Variants in STXBP5 observed in about 807,000 individuals in gnomAD.
The protein encoded by STXBP5 is syntaxin binding protein 5.
Under a neutral mutation model 152.4 loss-of-function variants are expected in STXBP5, and 50 were observed. The observed-to-expected ratio is 0.33, with a 90% CI of 0.26 to 0.42. The LOEUF (loss-of-function observed/expected upper bound fraction) is 0.42, where lower values mean the gene tolerates loss of function less well. Among genes scored for constraint, STXBP5 ranks in the 10% least tolerant of loss-of-function variants. STXBP5 has a pLI of 1.00. For missense variants in STXBP5, 1,167 were observed against 1,388.6 expected, an observed-to-expected ratio of 0.84 and a Z score of 2.54; for synonymous variants, 492 against 494.7, an observed-to-expected ratio of 0.99 and a Z score of 0.07.
chr6:147,285,332 C>T (rs1272849210), intron 8 of STXBP5, among the ~76,000 whole-genome samples: 6 of 152,098 alleles, frequency 3.9e-5, no homozygotes, highest in Non-Finnish European at 8.8e-5. Context: ...TGCTTAAAAT[C>T]ATGGGTAGTA....
At chr6:147,229,637 A>G (rs1346366929) in intron 2 of STXBP5, among the ~76,000 whole-genome samples, 2 of 151,908 alleles carry the variant, frequency 1.3e-5, no homozygotes, top group African/African-American at 4.8e-5. Context: ...ATGTTATTGT[A>G]AGTGGAATTA....
At chr6:147,362,383 C>G (rs1274483848) in intron 23 of STXBP5, among the ~76,000 whole-genome samples, 1 of 152,130 alleles carries the variant, frequency 6.6e-6, no homozygotes, top group Non-Finnish European at 1.5e-5. Context: ...ATCTACCCTG[C>G]CTTCCATTCC....
At chr6:147,367,567 G>T (rs1438745494) in intron 25 of STXBP5, among the ~76,000 whole-genome samples, 1 of 152,142 alleles carries the variant, frequency 6.6e-6, no homozygotes, top group East Asian at 1.9e-4. Flanking sequence ...GAACCCGGGA[G>T]GCGGAGCTTG....
At chr6:147,318,782 C>T (rs1782768172) in intron 16 of STXBP5, among the ~76,000 whole-genome samples, 1 of 152,200 alleles carries the variant, frequency 6.6e-6, no homozygotes, top group African/African-American at 2.4e-5. Context: ...CTGGGATATA[C>T]ACGCAATAAC....
intron 8 of STXBP5, among the ~76,000 whole-genome samples, chr6:147,285,763 G>C (rs1427986816): frequency 2.0e-5 from 3 of 152,088 alleles, no homozygotes; most frequent in Admixed American, 2.0e-4. Context: ...GCTCAGGCTT[G>C]GAAGCGTTTA....
chr6:147,222,744 C>T (rs1777521738), intron 2 of STXBP5, among the ~76,000 whole-genome samples: 1 of 152,202 alleles, frequency 6.6e-6, no homozygotes, highest in South Asian at 2.1e-4. Flanking sequence ...CTGCTGGTAG[C>T]ATGAGGGAAT....
intron 2 of STXBP5, among the ~76,000 whole-genome samples, chr6:147,214,169 G>T (rs1221638): frequency 6.6e-6 from 1 of 151,966 alleles, no homozygotes; most frequent in South Asian, 2.1e-4. Flanking sequence ...TAATTTGAAC[G>T]CATTTCTGAT....
intron 6 of STXBP5, among the ~76,000 whole-genome samples, 175 bp downstream of exon 6, chr6:147,262,528 AT>A (rs1368193230): frequency 3.3e-5 from 5 of 152,146 alleles, no homozygotes; most frequent in Admixed American, 3.3e-4. Context: ...AATTAGAATC[AT>A]TTACAATTTT....
intron 2 of STXBP5, among the ~76,000 whole-genome samples, chr6:147,208,556 T>C (rs1309096800): frequency 6.6e-6 from 1 of 152,194 alleles, no homozygotes. Flanking sequence ...CTTTTGATCC[T>C]TTATTCTCTT....
At chr6:147,328,769 T>C (rs1256828005) in intron 18 of STXBP5, 2 of 470,910 alleles carry the variant, frequency 4.2e-6, no homozygotes, top group East Asian at 1.4e-4. Context: ...AAAAACTACG[T>C]TCTTCTTTTT....
intron 19 of STXBP5, among the ~76,000 whole-genome samples, chr6:147,335,328 A>G (rs1396009737): frequency 6.6e-6 from 1 of 152,158 alleles, no homozygotes; most frequent in Non-Finnish European, 1.5e-5. Context: ...GAATTGTAAT[A>G]TCTTTTAGTT....
chr6:147,228,552 TA>T (rs1777845787), intron 2 of STXBP5, among the ~76,000 whole-genome samples: 1 of 152,104 alleles, frequency 6.6e-6, no homozygotes, highest in African/African-American at 2.4e-5. Context: ...TTTCTTCTAT[TA>T]TTTCTTTGAT....
At chr6:147,350,071 T>C (rs926947055) in intron 21 of STXBP5, among the ~76,000 whole-genome samples, 5 of 152,188 alleles carry the variant, frequency 3.3e-5, no homozygotes, top group African/African-American at 1.2e-4. Flanking sequence ...TATTAAAATT[T>C]ATATGACATT....
At chr6:147,361,080 GTTC>G (rs1406727047) in intron 23 of STXBP5, among the ~76,000 whole-genome samples, 2 of 152,062 alleles carry the variant, frequency 1.3e-5, no homozygotes, top group African/African-American at 4.8e-5. Context: ...ACTAATCTCA[GTTC>G]TTATTAGTAA....
At chr6:147,383,378 A>G (rs1786187165) in intron 27 of STXBP5, among the ~76,000 whole-genome samples, 1 of 152,150 alleles carries the variant, frequency 6.6e-6, no homozygotes, top group African/African-American at 2.4e-5. Context: ...CCAGATAGAT[A>G]TAAATAACTA....
chr6:147,310,089 C>T lies in STXBP5; in HGVS notation c.923C>T (p.Pro308Leu). Residue 308 changes from proline to leucine, a missense_variant, in exon 10 of 28, where the codon CCT (proline) becomes CTT (leucine). Physicochemically the swap from Pro to Leu is moderately conservative, Grantham distance 98. This residue lies in a region of STXBP5 where 24 missense variants were observed against 56.2 expected (regional missense o/e 0.43). Transcript: ENST00000321680. ...AATATGTATTTTATTTCCAGGGAGC[C>T]TTTTATTATTTTATCAGGAGGTTTG... ...VEFKTTRSGE[P>L]FIILSGGLSY... 1 of 1,534,638 alleles carries T rather than the reference C, an allele frequency of 6.5e-7. No homozygotes were observed. The highest frequency in any genetic ancestry group is 8.7e-7 in the Non-Finnish European group (1 of 1,146,866).
chr6:147,359,257 A>G lies in STXBP5; in HGVS notation c.2479A>G (p.Ile827Val). The G allele has an allele frequency of 6.2e-7, 1 of 1,613,946 alleles. No homozygotes were observed. Among genetic ancestry groups the G allele is most frequent in the Non-Finnish European group, 8.5e-7 (1 of 1,179,890 alleles). The change falls in exon 23 of 28, where the codon ATT (isoleucine) becomes GTT (valine). Residue 827 changes from isoleucine to valine, a missense_variant. Physicochemically the swap from Ile to Val is conservative, Grantham distance 29 (BLOSUM62 3). This residue lies in a region of STXBP5 where 833 missense variants were observed against 986.3 expected (regional missense o/e 0.84). Transcript: ENST00000321680. ...VGTTLGTVLV[I>V]ALNLPPGGEQ... ...AACAACGCTAGGAACAGTGCTTGTC[A>G]TTGCACTGAACCTTCCCCCAGGGGG...
At chr6:147,222,204 G>A (rs1468141996) in intron 2 of STXBP5, among the ~76,000 whole-genome samples, 1 of 152,044 alleles carries the variant, frequency 6.6e-6, no homozygotes, top group Non-Finnish European at 1.5e-5. Context: ...ATAAATCATG[G>A]TTGTTTTAAA....
At chr6:147,300,234 G>A (rs1025448819) in intron 9 of STXBP5, among the ~76,000 whole-genome samples, 4 of 152,068 alleles carry the variant, frequency 2.6e-5, no homozygotes, top group African/African-American at 7.2e-5. Flanking sequence ...TAACCAAAAT[G>A]AGCCACAGAT....
Sources: gnomAD v4.1 joint callset for allele counts (sites outside exome capture counted in the v4.1 genomes callset) on GRCh38, gnomAD v4.1.1 for gene constraint, gnomAD v4.1.1 regional missense constraint, MANE v1.5 for transcripts, NCBI Gene and HGNC (gene_info 2026-07-23, HGNC 2026-07-21) for gene names.